Variants in DHRS7B observed in about 807,000 individuals in gnomAD.
The protein encoded by DHRS7B is dehydrogenase/reductase 7B.
Under a neutral mutation model 26.4 loss-of-function variants are expected in DHRS7B, and 24 were observed. That is an observed-to-expected ratio of 0.91 (90% CI 0.66 to 1.28). The LOEUF (loss-of-function observed/expected upper bound fraction) is 1.28. Ranked by LOEUF, DHRS7B falls within the 50% of genes most tolerant of loss-of-function variation. The pLI, the probability that DHRS7B is intolerant of heterozygous loss-of-function variation, is 0.00. For missense variants in DHRS7B, 368 were observed against 419.4 expected, an observed-to-expected ratio of 0.88 and a Z score of 1.07; for synonymous variants, 142 against 166.4, an observed-to-expected ratio of 0.85 and a Z score of 1.13.
intron 3 of DHRS7B, among the ~76,000 whole-genome samples, chr17:21,182,728 T>G (rs1046329757): frequency 2.0e-5 from 3 of 152,222 alleles, no homozygotes; most frequent in African/African-American, 4.8e-5. Context: ...TTGCTTGCAT[T>G]CCTAGGATAA....
Position 21,191,005 on chromosome 17 carries a change from T to C in DHRS7B, c.830T>C (p.Leu277Pro). The change falls in exon 7 of 7, where the codon CTT becomes CCT. Residue 277 changes from leucine to proline, a missense_variant. Coordinates refer to ENST00000395511, the MANE Select transcript of DHRS7B (RefSeq NM_015510.5). The stretch of plus-strand genomic sequence containing the variant: ...CCTGTGGAGGTGGCCCAGGATGTTC[T>C]TGCTGCTGTGGGGAAGAAGAAGAAA... Reference protein sequence around the residue: ...RSPVEVAQDVLAAVGKKKKDV... With the variant: ...RSPVEVAQDVPAAVGKKKKDV... The C allele has an allele frequency of 1.2e-6, 2 of 1,614,272 alleles. No individual in the cohort carries two copies. Among genetic ancestry groups the C allele is most frequent in the South Asian group, 2.2e-5 (2 of 91,090 alleles).
At chr17:21,135,816 GA>G (rs1973327979) in intron 1 of DHRS7B, among the ~76,000 whole-genome samples, 1 of 152,126 alleles carries the variant, frequency 6.6e-6, no homozygotes, top group South Asian at 2.1e-4. Context: ...TAGAGAAACT[GA>G]ACTTATTTTA....
At chr17:21,167,445 C>G (rs564692004) in intron 1 of DHRS7B, among the ~76,000 whole-genome samples, 1 of 152,202 alleles carries the variant, frequency 6.6e-6, no homozygotes, top group Non-Finnish European at 1.5e-5. Context: ...CTCTCCCTTC[C>G]TCACGCCAGT....
intron 1 of DHRS7B, among the ~76,000 whole-genome samples, chr17:21,165,097 T>C (rs1213166910): frequency 2.0e-5 from 3 of 152,170 alleles, no homozygotes; most frequent in African/African-American, 4.8e-5. Flanking sequence ...ATCATCCCCA[T>C]TCTGAGGTGA....
rs1207234984 is a variant in DHRS7B at position 21,138,091 on chromosome 17, T to TACACAC, written c.20+11101_20+11102insCACACA. Reference sequence around the variant, plus strand: ...TAAAAAAAAAATATATATATATATATATATATATATACACACACACACACA... The same window carrying TACACAC: ...TAAAAAAAAAATATATATATATATATACACACATATATATATACACACACACACACA... On this transcript the variant is annotated intron_variant, in intron 1 of 6. Coordinates refer to ENST00000395511, the MANE Select transcript of DHRS7B (RefSeq NM_015510.5). Among the ~76,000 whole-genome samples, 390 of 53,320 alleles carry TACACAC rather than the reference T, an allele frequency of 7.3e-3. 1 individual carries two copies. Among genetic ancestry groups the TACACAC allele is most frequent in the East Asian group, 0.038 (114 of 2,978 alleles). 35.0% of individuals were successfully genotyped at this position (53,320 alleles called of 152,430 possible).
chr17:21,181,599 A>G (rs1974515893), intron 3 of DHRS7B, among the ~76,000 whole-genome samples: 1 of 152,212 alleles, frequency 6.6e-6, no homozygotes, highest in Non-Finnish European at 1.5e-5. Flanking sequence ...GCATTAATCC[A>G]TTCATGAAGT....
At chr17:21,158,066 ACT>A (rs1973919370) in intron 1 of DHRS7B, among the ~76,000 whole-genome samples, 1 of 152,102 alleles carries the variant, frequency 6.6e-6, no homozygotes, top group East Asian at 1.9e-4. Flanking sequence ...CATGATTAAA[ACT>A]CTCAGCAAAT....
intron 1 of DHRS7B, among the ~76,000 whole-genome samples, chr17:21,132,152 A>C (rs1393529891): frequency 6.6e-6 from 1 of 152,084 alleles, no homozygotes; most frequent in African/African-American, 2.4e-5. Context: ...TGGGGTAGCT[A>C]CATGGTTGGA....
chr17:21,155,418 CAATCCTCCA>C (rs1192099392), intron 1 of DHRS7B, among the ~76,000 whole-genome samples: 1 of 152,158 alleles, frequency 6.6e-6, no homozygotes, highest in Admixed American at 6.5e-5. Flanking sequence ...GACCGCAGAT[CAATCCTCCA>C]ATAAGACAAT....
In DHRS7B at chr17:21,191,055, C is replaced by T; in HGVS notation, c.880C>T (p.Pro294Ser). Residue 294 changes from proline (P) to serine (S), a missense_variant, in exon 7 of 7, where the codon CCT becomes TCT. Coordinates refer to ENST00000395511, the MANE Select transcript of DHRS7B (RefSeq NM_015510.5). ...AGATGTGATCCTGGCTGACTTACTGCCTTCCTTGGCTGTTTATCTTCGAAC... is the reference window on the plus strand; with the variant it reads ...AGATGTGATCCTGGCTGACTTACTGTCTTCCTTGGCTGTTTATCTTCGAAC... ...KKDVILADLL[P>S]SLAVYLRTLA... The T allele has an allele frequency of 1.9e-6, 3 of 1,614,262 alleles. No individual in the cohort carries two copies. Among genetic ancestry groups the T allele is most frequent in the Non-Finnish European group, 2.5e-6 (3 of 1,180,056 alleles).
intron 1 of DHRS7B, chr17:21,128,882 A>G (rs1447401666): frequency 4.0e-5 from 6 of 151,196 alleles, no homozygotes; most frequent in Non-Finnish European, 1.5e-5. Context: ...TTAAAAAAAA[A>G]AAAAAAAAAA....
chr17:21,142,038 C>T (rs953394641), intron 1 of DHRS7B, among the ~76,000 whole-genome samples: 4 of 152,122 alleles, frequency 2.6e-5, no homozygotes, highest in African/African-American at 9.7e-5. Flanking sequence ...GGACAAGCTG[C>T]GGACAAAACC....
At chr17:21,157,233 A>G (rs1973901923) in intron 1 of DHRS7B, among the ~76,000 whole-genome samples, 3 of 152,216 alleles carry the variant, frequency 2.0e-5, no homozygotes, top group Admixed American at 2.0e-4. Context: ...CCATTACCCT[A>G]ATACCAAAAC....
intron 1 of DHRS7B, among the ~76,000 whole-genome samples, chr17:21,156,040 A>G (rs1486098851): frequency 6.6e-6 from 1 of 152,178 alleles, no homozygotes; most frequent in Non-Finnish European, 1.5e-5. Flanking sequence ...ATCTAAGTTT[A>G]TACTTTAGGC....
At chr17:21,166,437 A>T (rs1974114698) in intron 1 of DHRS7B, 1 of 985,002 alleles carries the variant, frequency 1.0e-6, no homozygotes, top group Non-Finnish European at 1.2e-6. Context: ...CACTGGCGCC[A>T]GGAACCGCCA....
intron 6 of DHRS7B, among the ~76,000 whole-genome samples, chr17:21,189,471 G>A (rs1342208833): frequency 6.6e-6 from 1 of 152,194 alleles, no homozygotes; most frequent in Non-Finnish European, 1.5e-5. Context: ...CTTGGAGCTG[G>A]TGCTGCCTCC....
At chr17:21,171,870 G>T (rs12936069) in intron 1 of DHRS7B, 148 bp from the exon 2 acceptor site, 324,485 of 959,116 alleles carry the variant, frequency 0.34, 55,398 homozygotes, top group Middle Eastern at 0.4. Flanking sequence ...GGCCGAGGGT[G>T]CAGGGCCTGG....
chr17:21,137,753 G>A lies in DHRS7B; in HGVS notation c.20+10762G>A, dbSNP rs527881835. 1.4e-3 allele frequency among the ~76,000 whole-genome samples: 204 copies of A among 150,430 alleles called. 2 individuals are homozygous for A. Among genetic ancestry groups the A allele is most frequent in the South Asian group, 6.3e-4 (3 of 4,742 alleles). ...ATTACAGATGTGAGCCACCGCACCC[G>A]GCCTCTGGCTAATTTTTTGTATTTT... is the stretch of plus-strand genomic sequence containing the variant. On this transcript the variant is annotated intron_variant, in intron 1 of 6. Coordinates refer to ENST00000395511, the MANE Select transcript of DHRS7B (RefSeq NM_015510.5).
In DHRS7B at chr17:21,129,258, TGAG is replaced by T. The variant is rs893788956; in HGVS notation, c.20+2271_20+2273del. On this transcript the variant is annotated intron_variant, in intron 1 of 6. Coordinates refer to ENST00000395511, the MANE Select transcript of DHRS7B (RefSeq NM_015510.5). ...AGTCACCGGCATGCGGAGGGGGAAATGAGGAGAGACAGGGAAGGCTTTCCCAAG... is the reference window on the plus strand; with the variant it reads ...AGTCACCGGCATGCGGAGGGGGAAATGAGAGACAGGGAAGGCTTTCCCAAG... Among the ~76,000 whole-genome samples, 12 of 151,436 alleles carry T rather than the reference TGAG, an allele frequency of 7.9e-5. 1 individual carries two copies. Among genetic ancestry groups the T allele is most frequent in the Admixed American group, 6.6e-4 (10 of 15,176 alleles).
Sources: gnomAD v4.1 joint callset for allele counts (sites outside exome capture counted in the v4.1 genomes callset) on GRCh38, gnomAD v4.1.1 for gene constraint, MANE v1.5 for transcripts, NCBI Gene and HGNC (gene_info 2026-07-23, HGNC 2026-07-21) for gene names.